GLIS3: variants seen among roughly 807,000 people sequenced by gnomAD.
GLIS3 encodes GLIS family zinc finger 3.
Under a neutral mutation model 78.6 loss-of-function variants are expected in GLIS3, and 53 were observed. The ratio of observed to expected loss-of-function variants is 0.67; its 90% confidence interval spans 0.54 to 0.85. GLIS3 has a LOEUF of 0.85. Among genes scored for constraint, GLIS3 ranks in the 40% least tolerant of loss-of-function variants. The probability of loss-of-function intolerance (pLI) is 0.00; values close to 1 mark genes in which losing one functional copy is unlikely to be tolerated. For missense variants in GLIS3, 1,703 were observed against 1,231.1 expected (o/e 1.38, Z -5.74); for synonymous variants, 684 against 509.9 (o/e 1.34, Z -4.60).
chr9:4,329,330 T>C (rs17803098), intron 2 of GLIS3, among the ~76,000 whole-genome samples: 18,509 of 152,236 alleles, frequency 0.12, 1,243 homozygotes, highest in Admixed American at 0.2. Flanking sequence ...CTCTGTTAGC[T>C]TGTTTCCGAT....
rs375613495 is a variant in GLIS3, at chr9:4,337,582, G to C, written n.264+9499C>G. On this transcript the variant is annotated intron_variant and non_coding_transcript_variant, in intron 2 of 4. Coordinates refer to the GLIS3 transcript ENST00000471664. The stretch of plus-strand genomic sequence containing the variant: ...TATATCTAACAAACAAAAAGCTTCA[G>C]GCTCCTTCCGGTCATTTTTTCTGAC... Among the ~76,000 whole-genome samples the C allele has an allele frequency of 1.4e-3, 217 of 152,190 alleles. 1 individual carries two copies. The highest frequency in any genetic ancestry group is 4.9e-3 in the African/African-American group (204 of 41,504).
chr9:4,448,074 G>C, the GLIS3 span, among the ~76,000 whole-genome samples: 1 of 152,090 alleles, frequency 6.6e-6, no homozygotes, highest in African/African-American at 2.4e-5. Flanking sequence ...TACTCTGATA[G>C]AGCCCAGCTT....
At chr9:4,387,754 T>C in the GLIS3 span, among the ~76,000 whole-genome samples, 1 of 152,226 alleles carries the variant, frequency 6.6e-6, no homozygotes. Context: ...TATTTCCCCA[T>C]AGGCCAAAAT....
At chr9:3,838,225 A>G (rs544992003) in intron 9 of GLIS3, among the ~76,000 whole-genome samples, 1 of 152,334 alleles carries the variant, frequency 6.6e-6, no homozygotes, top group African/African-American at 2.4e-5. Context: ...AGCATTCAAT[A>G]TGTATTTGTT....
At chr9:4,025,057 C>T (rs12115377) in intron 4 of GLIS3, among the ~76,000 whole-genome samples, 1 of 150,390 alleles carries the variant, frequency 6.6e-6, no homozygotes, top group Non-Finnish European at 1.5e-5. Flanking sequence ...CGAGACCAGC[C>T]TGGTCAAAAT....
Position 4,244,950 on chromosome 9 carries a change from G to A in GLIS3, c.388+41088C>T, listed in dbSNP as rs116539713. Among the ~76,000 whole-genome samples the A allele has an allele frequency of 2.4e-3, 362 of 152,154 alleles. 2 individuals carry two copies. Among genetic ancestry groups the A allele is most frequent in the African/African-American group, 8.3e-3 (345 of 41,512 alleles). On this transcript the variant is annotated intron_variant, in intron 2 of 10. Transcript: ENST00000381971. ...AAATATTTTTAAGTTCTCATTCTACGTTAAAGAATACTTTTAAATTATAGA... is the reference window on the plus strand; with the variant it reads ...AAATATTTTTAAGTTCTCATTCTACATTAAAGAATACTTTTAAATTATAGA...
chr9:4,373,262 C>T, the GLIS3 span, among the ~76,000 whole-genome samples: 1 of 145,914 alleles, frequency 6.9e-6, no homozygotes, highest in Non-Finnish European at 1.5e-5. Context: ...AGAGTATGAG[C>T]AGTTAACAGC....
Position 3,828,409 on chromosome 9 carries a change from C to G in GLIS3, c.2657-1G>C, listed in dbSNP as rs1349688864. 8 of 1,612,874 alleles carry G rather than the reference C, an allele frequency of 5.0e-6. No individual in the cohort carries two copies. Among genetic ancestry groups the G allele is most frequent in the Non-Finnish European group, 5.9e-6 (7 of 1,180,004 alleles). On this transcript the variant is annotated splice_acceptor_variant, in intron 10 of 10. Coordinates refer to ENST00000381971, the MANE Select transcript of GLIS3 (RefSeq NM_001042413.2). LOFTEE classifies it high-confidence loss of function. The stretch of plus-strand genomic sequence containing the variant: ...GAGGAACTTGAAGGTAAATCATACA[C>G]TGGAAGAGAAAGAACGCAGTTAAGT...
chr9:4,468,278 C>G, the GLIS3 span, among the ~76,000 whole-genome samples: 1 of 152,224 alleles, frequency 6.6e-6, no homozygotes, highest in Non-Finnish European at 1.5e-5. Flanking sequence ...TCAGGAAATA[C>G]AGAGAATGCC....
At chr9:3,926,102 A>C (rs998250503) in intron 6 of GLIS3, among the ~76,000 whole-genome samples, 6 of 152,250 alleles carry the variant, frequency 3.9e-5, no homozygotes, top group Non-Finnish European at 8.8e-5. Context: ...GACAGGCTGC[A>C]GAAAGGTGCA....
chr9:4,256,908 A>C (rs7038203), intron 2 of GLIS3, among the ~76,000 whole-genome samples: 120,839 of 151,922 alleles, frequency 0.8, 48,862 homozygotes, highest in East Asian at 0.98. Flanking sequence ...ATGTTCACTG[A>C]AGCATTATTC....
At chr9:4,219,379 G>C (rs1020437928) in intron 2 of GLIS3, among the ~76,000 whole-genome samples, 2 of 152,198 alleles carry the variant, frequency 1.3e-5, no homozygotes, top group Non-Finnish European at 2.9e-5. Context: ...GGGTAATCTG[G>C]ACACTCACAG....
rs191055069 is a variant in GLIS3, at chr9:4,187,289, A to C, written c.389-61348T>G. The stretch of plus-strand genomic sequence containing the variant: ...ATTGCTTGTTTTTCTCAGGTTTGTC[A>C]AAGATCAGATACTTGTAGATATGCT... On this transcript the variant is annotated intron_variant, in intron 2 of 10. Coordinates refer to ENST00000381971, the MANE Select transcript of GLIS3 (RefSeq NM_001042413.2). Among the ~76,000 whole-genome samples the C allele has an allele frequency of 1.4e-3, 206 of 152,330 alleles. 1 individual carries two copies. Among genetic ancestry groups the C allele is most frequent in the Middle Eastern group, 3.4e-3 (1 of 294 alleles).
At chr9:4,196,633 G>A (rs1818878203) in intron 2 of GLIS3, among the ~76,000 whole-genome samples, 1 of 152,122 alleles carries the variant, frequency 6.6e-6, no homozygotes. Context: ...CACTCCTGAA[G>A]CCAGTGAGAC....
chr9:4,348,330 G>T (rs1054168951), exon 1 of GLIS3: 4 of 137,670 alleles, frequency 2.9e-5, no homozygotes, highest in Non-Finnish European at 5.1e-5. Context: ...GCACCCTCGG[G>T]AAACAGCTTT....
At chr9:4,257,345 G>T (rs982879223) in intron 2 of GLIS3, among the ~76,000 whole-genome samples, 2 of 152,086 alleles carry the variant, frequency 1.3e-5, no homozygotes, top group Non-Finnish European at 2.9e-5. Flanking sequence ...GATGTGAGAT[G>T]CAAGTCAAAG....
the GLIS3 span, among the ~76,000 whole-genome samples, chr9:4,409,536 G>A: frequency 4.6e-5 from 7 of 151,970 alleles, no homozygotes; most frequent in East Asian, 1.9e-4. Context: ...AGATGAACAC[G>A]CTTACTAGTA....
chr9:4,254,322 C>T (rs987152549), intron 2 of GLIS3, among the ~76,000 whole-genome samples: 1 of 152,108 alleles, frequency 6.6e-6, no homozygotes, highest in Non-Finnish European at 1.5e-5. Context: ...TACCAAGAAA[C>T]GTGTTGGATC....
chr9:4,391,098 A>G, the GLIS3 span, among the ~76,000 whole-genome samples: 348 of 152,146 alleles, frequency 2.3e-3, 2 homozygotes, highest in African/African-American at 8.0e-3. Context: ...CATCGCTGCC[A>G]GGATAGAAAG....
Sources: allele counts gnomAD v4.1 joint callset (sites outside exome capture counted in the v4.1 genomes callset), GRCh38; gene constraint gnomAD v4.1.1; transcripts MANE v1.5; gene names NCBI Gene and HGNC (gene_info 2026-07-23, HGNC 2026-07-21).